The following REDIC1 variants were observed in gnomAD, a reference collection of about 807,000 sequenced individuals.
The protein encoded by REDIC1 is regulator of DNA class I crossover intermediates 1.
chr12:39,749,272 T>C, the REDIC1 span, among the ~76,000 whole-genome samples: 1 of 151,990 alleles, frequency 6.6e-6, no homozygotes, highest in East Asian at 1.9e-4. Context: ...CAAACTACCA[T>C]CAGAGAATAC....
At chr12:39,686,585 A>AG in the REDIC1 span, among the ~76,000 whole-genome samples, 79 of 151,568 alleles carry the variant, frequency 5.2e-4, no homozygotes, top group East Asian at 0.014. Flanking sequence ...ATGTGATAGG[A>AG]GGGGCTGTCA....
the REDIC1 span, among the ~76,000 whole-genome samples, chr12:39,803,587 T>C: frequency 6.6e-6 from 1 of 151,976 alleles, no homozygotes; most frequent in Admixed American, 6.6e-5. Flanking sequence ...CATATATATA[T>C]AGAGTCAGAA....
chr12:39,886,851 T>C, the REDIC1 span, among the ~76,000 whole-genome samples: 1 of 152,178 alleles, frequency 6.6e-6, no homozygotes, highest in Non-Finnish European at 1.5e-5. Flanking sequence ...AATTTCCTGA[T>C]AAAAGAGGAA....
At chr12:39,816,564 G>A in the REDIC1 span, among the ~76,000 whole-genome samples, 2 of 143,806 alleles carry the variant, frequency 1.4e-5, no homozygotes, top group African/African-American at 5.0e-5. Flanking sequence ...ATGTACCCTA[G>A]AACTTACTTA....
the REDIC1 span, among the ~76,000 whole-genome samples, chr12:39,713,751 A>C: frequency 6.7e-6 from 1 of 149,482 alleles, no homozygotes; most frequent in African/African-American, 2.4e-5. Flanking sequence ...GTATATATAC[A>C]TGTATACACG....
the REDIC1 span, among the ~76,000 whole-genome samples, chr12:39,726,061 T>C: frequency 6.6e-6 from 1 of 152,128 alleles, no homozygotes; most frequent in Non-Finnish European, 1.5e-5. Context: ...AAACAACTTG[T>C]ACCAGCAAAA....
At chr12:39,696,120 C>T in the REDIC1 span, among the ~76,000 whole-genome samples, 2 of 152,008 alleles carry the variant, frequency 1.3e-5, no homozygotes, top group Admixed American at 1.3e-4. Context: ...AAAGCATTCC[C>T]AAGATGGATG....
the REDIC1 span, among the ~76,000 whole-genome samples, chr12:39,717,907 G>A: frequency 3.3e-5 from 5 of 151,674 alleles, no homozygotes; most frequent in South Asian, 1.0e-3. Flanking sequence ...AATTCCCCTG[G>A]AGTGGTATAT....
chr12:39,696,381 A>G, the REDIC1 span, among the ~76,000 whole-genome samples: 2 of 150,820 alleles, frequency 1.3e-5, no homozygotes, highest in Non-Finnish European at 3.0e-5. Flanking sequence ...GTCTCTACTA[A>G]AAATACAAAA....
At chr12:39,776,295 G>A in the REDIC1 span, among the ~76,000 whole-genome samples, 3 of 151,788 alleles carry the variant, frequency 2.0e-5, no homozygotes, top group South Asian at 2.1e-4. Flanking sequence ...CTTAGGAGCT[G>A]TGGGGCCCAC....
chr12:39,690,651 G>A, the REDIC1 span, among the ~76,000 whole-genome samples: 417 of 152,104 alleles, frequency 2.7e-3, 1 homozygote, highest in African/African-American at 9.2e-3. Flanking sequence ...TATAAGCAAC[G>A]TATCTAGAAT....
At chr12:39,683,388 A>G in the REDIC1 span, 6 of 1,495,384 alleles carry the variant, frequency 4.0e-6, no homozygotes, top group Admixed American at 1.7e-5. Flanking sequence ...TAAATTTTTA[A>G]CTCGGTGCAT....
At chr12:39,661,246 T>C in the REDIC1 span, among the ~76,000 whole-genome samples, 1 of 152,150 alleles carries the variant, frequency 6.6e-6, no homozygotes, top group African/African-American at 2.4e-5. Context: ...TTTTCCGTAA[T>C]GACAGTACTA....
the REDIC1 span, among the ~76,000 whole-genome samples, chr12:39,790,458 G>A: frequency 6.7e-6 from 1 of 148,924 alleles, no homozygotes; most frequent in Non-Finnish European, 1.5e-5. Flanking sequence ...CTATGAGTGA[G>A]AATATGCGGT....
At chr12:39,814,336 T>C in the REDIC1 span, among the ~76,000 whole-genome samples, 6 of 152,202 alleles carry the variant, frequency 3.9e-5, no homozygotes, top group African/African-American at 1.4e-4. Context: ...TTCCTCTTTG[T>C]ACTGTTTTTA....
chr12:39,652,204 G>T, the REDIC1 span, among the ~76,000 whole-genome samples: 5 of 151,998 alleles, frequency 3.3e-5, no homozygotes, highest in Admixed American at 6.5e-5. Flanking sequence ...TACCTGCTGT[G>T]ACAGTTCATG....
chr12:39,832,273 T>C, the REDIC1 span, among the ~76,000 whole-genome samples: 102 of 152,256 alleles, frequency 6.7e-4, 1 homozygote, highest in African/African-American at 1.8e-3. Context: ...GTATTTTGTT[T>C]TGTATTCTGC....
the REDIC1 span, among the ~76,000 whole-genome samples, chr12:39,705,254 T>C: frequency 6.6e-6 from 1 of 151,910 alleles, no homozygotes; most frequent in South Asian, 2.1e-4. Context: ...TTTACCAAGA[T>C]TGAACCATGA....
chr12:39,725,070 A>G, the REDIC1 span, among the ~76,000 whole-genome samples: 1 of 152,162 alleles, frequency 6.6e-6, no homozygotes, highest in East Asian at 1.9e-4. Flanking sequence ...GTCCCAACAT[A>G]ATAAAATGAC....
Sources: allele counts gnomAD v4.1 joint callset (sites outside exome capture counted in the v4.1 genomes callset), GRCh38; gene constraint gnomAD v4.1.1; transcripts MANE v1.5; gene names NCBI Gene and HGNC (gene_info 2026-07-23, HGNC 2026-07-21).